Variants in INTS2 observed in about 807,000 individuals in gnomAD.
INTS2 encodes integrator complex subunit 2, also known as KIAA1287.
INTS2 carries 57 observed loss-of-function variants against 139.6 expected under a neutral mutation model. That is an observed-to-expected ratio of 0.41 (90% CI 0.33 to 0.51). The LOEUF (loss-of-function observed/expected upper bound fraction) is 0.51, where lower values mean the gene tolerates loss of function less well. INTS2 is among the 20% of genes least tolerant of loss of function. The pLI is 0.28. For missense variants in INTS2, 1,196 were observed against 1,436.7 expected (o/e 0.83, Z 2.71); for synonymous variants, 473 against 493.4 (o/e 0.96, Z 0.55).
chr17:61,878,387 A>AC (rs1211010385), intron 17 of INTS2, among the ~76,000 whole-genome samples: 1 of 151,664 alleles, frequency 6.6e-6, no homozygotes, highest in Non-Finnish European at 1.5e-5. Flanking sequence ...ACATGGTGAA[A>AC]CCCCTCTCTC....
chr17:61,875,778 G>C lies in INTS2; in HGVS notation c.2457-740C>G, dbSNP rs533308464. On this transcript the variant is annotated intron_variant, in intron 18 of 24. Transcript: ENST00000251334. This position sits in a 1 kb window ranked among gnomAD's most constrained non-coding sequence, Gnocchi z 4.6. ...AGGGATAAGGAGAAAAAAAATTTTC[G>C]AACTATTAATATCCTAAAAGAATAA... Among the ~76,000 whole-genome samples, 17 of 151,942 alleles carry C rather than the reference G, an allele frequency of 1.1e-4. No homozygotes were observed. The highest frequency in any genetic ancestry group is 1.3e-4 in the Non-Finnish European group (9 of 67,988).
chr17:61,869,206 T>C lies in INTS2; in HGVS notation c.3138+67A>G. On this transcript the variant is annotated intron_variant, in intron 22 of 24. Transcript: ENST00000251334. This position sits in a 1 kb window ranked among gnomAD's most constrained non-coding sequence, Gnocchi z 5.4. ...TCTTTAGGTATTAAAAATTATAAAA[T>C]GTTTTGTATAACTAGTAAGACTGGA... 4 of 1,460,608 alleles carry C rather than the reference T, an allele frequency of 2.7e-6. 1 individual carries two copies. Among genetic ancestry groups the C allele is most frequent in the South Asian group, 2.3e-5 (2 of 85,392 alleles). The allele number at this position is 1,460,608 out of a possible 1,614,324, so 90.5% of individuals were successfully genotyped here.
rs1332015505 is a variant in INTS2, at chr17:61,902,877, A to AAAAC, written c.1307+1579_1307+1582dup. ...AGAGCTTAAAAAAAAAAAAAAAAAA[A>AAAAC]AAACAGAGGCTGGGCACGGTGGCTC... On this transcript the variant is annotated intron_variant, in intron 9 of 24. Coordinates refer to ENST00000251334, the MANE Select transcript of INTS2 (RefSeq NM_001351695.2). Among the ~76,000 whole-genome samples, 3 of 151,364 alleles carry AAAAC rather than the reference A, an allele frequency of 2.0e-5. No homozygotes were observed. In the East Asian group the frequency reaches 5.9e-4, roughly 30 times the overall value.
intron 15 of INTS2, among the ~76,000 whole-genome samples, chr17:61,885,704 G>A (rs923274500): frequency 1.3e-5 from 2 of 148,564 alleles, no homozygotes; most frequent in Non-Finnish European, 3.0e-5. Context: ...TTACAGGCGT[G>A]AGTCACTGGG....
chr17:61,892,002 G>A (rs1603376880), intron 13 of INTS2, among the ~76,000 whole-genome samples: 3 of 152,036 alleles, frequency 2.0e-5, no homozygotes, highest in Admixed American at 6.6e-5. Flanking sequence ...CATGTGTGTC[G>A]TCATGGGAGA....
chr17:61,887,542 G>C (rs1467718857), intron 15 of INTS2, among the ~76,000 whole-genome samples: 1 of 151,178 alleles, frequency 6.6e-6, no homozygotes, highest in Admixed American at 6.6e-5. Context: ...ATTATTTCAG[G>C]TTCCTAGATA....
At chr17:61,907,725 T>G in intron 7 of INTS2, 91 bp from the exon 8 acceptor site, 1 of 967,264 alleles carries the variant, frequency 1.0e-6, no homozygotes, top group Non-Finnish European at 1.5e-6. Flanking sequence ...CTTAAACACT[T>G]TCAAATTGGC....
In INTS2 at chr17:61,871,228, C is replaced by T. The variant is rs928120652; in HGVS notation, c.2778+1037G>A. ...CTCCGCCTCCCGGGTTCAAGCCATT[C>T]TCCTGCCTCAGCCTCCCAAGTAGCT... is the stretch of plus-strand genomic sequence containing the variant. On this transcript the variant is annotated intron_variant, in intron 20 of 24. Coordinates refer to ENST00000251334, the MANE Select transcript of INTS2 (RefSeq NM_001351695.2). This position sits in a 1 kb window ranked among gnomAD's most constrained non-coding sequence, Gnocchi z 4.9. 5.9e-5 allele frequency among the ~76,000 whole-genome samples: 9 copies of T among 152,174 alleles called. No homozygotes were observed. Among genetic ancestry groups the T allele is most frequent in the African/African-American group, 2.2e-4 (9 of 41,438 alleles).
At chr17:61,881,910 T>C (rs1230290413) in intron 16 of INTS2, among the ~76,000 whole-genome samples, 2 of 152,150 alleles carry the variant, frequency 1.3e-5, no homozygotes, top group Admixed American at 1.3e-4. Context: ...TTGTTTGACA[T>C]AGCAATGGTT....
intron 9 of INTS2, among the ~76,000 whole-genome samples, chr17:61,899,809 G>A (rs1174996993): frequency 2.0e-5 from 3 of 151,652 alleles, no homozygotes; most frequent in African/African-American, 4.8e-5. Context: ...CTACACGGGA[G>A]GCTAAGATGG....
chr17:61,869,778 A>C lies in INTS2; in HGVS notation c.2989T>G (p.Tyr997Asp). The change falls in exon 21 of 25, where the codon TAC becomes GAC. Residue 997 changes from tyrosine (Y) to aspartate (D), a missense_variant. This residue lies in a region of INTS2 where 1,129 missense variants were observed against 1,341.9 expected (regional missense o/e 0.84). Transcript: ENST00000251334. This position sits in a 1 kb window ranked among gnomAD's most constrained non-coding sequence, Gnocchi z 5.4. ...CLICCLLHQM[Y>D]IADPNIAKLV... Reference sequence around the variant, plus strand: ...TTAGCAATGTTGGGATCTGCAATGTACATTTGGTGCAAGAGACAACAGATA... The same window carrying C: ...TTAGCAATGTTGGGATCTGCAATGTCCATTTGGTGCAAGAGACAACAGATA... The C allele has an allele frequency of 6.2e-7, 1 of 1,613,928 alleles. No homozygotes were observed. The highest frequency in any genetic ancestry group is 8.5e-7 in the Non-Finnish European group (1 of 1,179,802).
In INTS2 at chr17:61,909,635, C is replaced by T. The variant is rs572759510; in HGVS notation, c.954+1885G>A. On this transcript the variant is annotated intron_variant, in intron 7 of 24. Transcript: ENST00000251334. This position sits in a 1 kb window ranked among gnomAD's most constrained non-coding sequence, Gnocchi z 4.9. The stretch of plus-strand genomic sequence containing the variant: ...GTCCATGTGTACACATGATTAGCAC[C>T]CACTCATAATTGAGAATATGCAATA... Among the ~76,000 whole-genome samples the T allele has an allele frequency of 2.0e-5, 3 of 152,072 alleles. No individual in the cohort carries two copies. The highest frequency in any genetic ancestry group is 4.4e-5 in the Non-Finnish European group (3 of 68,026).
chr17:61,909,714 C>T lies in INTS2; in HGVS notation c.954+1806G>A, dbSNP rs561033935. On this transcript the variant is annotated intron_variant, in intron 7 of 24. Coordinates refer to ENST00000251334, the MANE Select transcript of INTS2 (RefSeq NM_001351695.2). The surrounding 1 kb of genome is among the most constrained non-coding windows in gnomAD (Gnocchi z 4.9). Reference sequence around the variant, plus strand: ...TAATATAATGGCCTCCAGTTCCATCCATGTTACTGTCAGACATGATTTTAT... The same window carrying T: ...TAATATAATGGCCTCCAGTTCCATCTATGTTACTGTCAGACATGATTTTAT... 5.0e-4 allele frequency among the ~76,000 whole-genome samples: 76 copies of T among 152,032 alleles called. 1 individual carries two copies. In the South Asian group the frequency reaches 0.01, roughly 21 times the overall value.
At chr17:61,911,878 T>C in intron 6 of INTS2, 62 bp downstream of exon 6, 1 of 1,550,932 alleles carries the variant, frequency 6.4e-7, no homozygotes, top group African/African-American at 1.4e-5. Flanking sequence ...TAAAACCATC[T>C]TGAGAAGAGT....
chr17:61,885,364 T>G, intron 15 of INTS2: 1 of 196,144 alleles, frequency 5.1e-6, no homozygotes. Flanking sequence ...ACATATGGCC[T>G]AGAGCTTCAT....
chr17:61,901,655 A>G (rs932016281), intron 9 of INTS2, among the ~76,000 whole-genome samples: 9 of 127,248 alleles, frequency 7.1e-5, no homozygotes, highest in Admixed American at 5.9e-4. Flanking sequence ...GCTGGAGTGC[A>G]GTGGCGCAAT....
intron 3 of INTS2, 92 bp downstream of exon 3, chr17:61,924,869 C>A (rs2079692525): frequency 6.1e-6 from 8 of 1,308,902 alleles, no homozygotes; most frequent in Non-Finnish European, 8.5e-6. Flanking sequence ...GAGAATTCAA[C>A]CTGCCTGACT....
At chr17:61,913,078 A>G (rs2079544448) in intron 5 of INTS2, among the ~76,000 whole-genome samples, 2 of 151,960 alleles carry the variant, frequency 1.3e-5, no homozygotes, top group Admixed American at 6.6e-5. Context: ...TCCATCTCCA[A>G]AAAAGAGAAA....
intron 8 of INTS2, among the ~76,000 whole-genome samples, chr17:61,905,475 C>G (rs548797694): frequency 6.6e-6 from 1 of 151,872 alleles, no homozygotes; most frequent in Non-Finnish European, 1.5e-5. Flanking sequence ...TACAGGCACA[C>G]GCCATCATTC....
Sources: allele counts gnomAD v4.1 joint callset (sites outside exome capture counted in the v4.1 genomes callset), GRCh38; gene constraint gnomAD v4.1.1; regional missense constraint gnomAD v4.1.1; non-coding constraint Gnocchi (gnomAD v3.1); transcripts MANE v1.5; gene names NCBI Gene and HGNC (gene_info 2026-07-23, HGNC 2026-07-21).